The following LTBR variants were observed in gnomAD, a reference collection of about 807,000 sequenced individuals.
LTBR encodes lymphotoxin beta receptor, also known as tumor necrosis factor receptor superfamily member 3.
In LTBR, 15 loss-of-function variants were observed where a neutral mutation model predicts 45.4. The ratio of observed to expected loss-of-function variants is 0.33; its 90% CI spans 0.22 to 0.51. The LOEUF is 0.51. LTBR is among the 20% of genes least tolerant of loss of function. LTBR has a pLI of 0.97. For synonymous variants in LTBR, 228 were observed against 231.0 expected (o/e 0.99, Z 0.12); for missense variants, 450 against 565.5 (o/e 0.80, Z 2.07).
intron 6 of LTBR, chr12:6,387,769 T>A: frequency 2.4e-6 from 1 of 410,310 alleles, no homozygotes; most frequent in Non-Finnish European, 5.0e-6. Context: ...GAAGCCGAAC[T>A]CCAGCCTCTC....
At chr12:6,390,539 C>A (rs1949101195) in intron 9 of LTBR, 121 bp from the exon 10 acceptor site, 1 of 1,124,562 alleles carries the variant, frequency 8.9e-7, no homozygotes. Context: ...GCTCAATAAA[C>A]CAGCAGCAAG....
chr12:6,387,616 G>A (rs1441304007), intron 6 of LTBR: 2 of 206,952 alleles, frequency 9.7e-6, no homozygotes, highest in African/African-American at 2.4e-5. Flanking sequence ...ATGAGAAGAG[G>A]CAAAATGCCC....
In LTBR at chr12:6,390,752, C is replaced by T; in HGVS notation, c.1123C>T (p.Pro375Ser). Residue 375 changes from proline to serine, a missense_variant, in exon 10 of 10, where the codon CCT (proline) becomes TCT (serine). This residue lies in a region of LTBR where 71 missense variants were observed against 90.4 expected (regional missense o/e 0.79). Transcript: ENST00000228918. ...NGPVLGGPPG[P>S]GDLPATPEPP... ...ACCAGTACTGGGGGGACCACCGGGT[C>T]CTGGAGACCTCCCAGCTACCCCCGA... The T allele has an allele frequency of 1.9e-6, 3 of 1,571,618 alleles. No individual in the cohort carries two copies. The highest frequency in any genetic ancestry group is 2.4e-5 in the South Asian group (2 of 82,942).
At position 6,386,725 on chromosome 12, in the gene LTBR, C is replaced by A; in HGVS notation, c.667+281C>A. Reference sequence around the variant, plus strand: ...TAACTACTATTGTCATCATTTTGGGCTTACCAACATTACACAATCCGTTTT... The same window carrying A: ...TAACTACTATTGTCATCATTTTGGGATTACCAACATTACACAATCCGTTTT... On this transcript the variant is annotated intron_variant, in intron 6 of 9. Transcript: ENST00000228918. The surrounding 1 kb of genome is among the most constrained non-coding windows in gnomAD (Gnocchi z 4.1). 2.8e-6 allele frequency: 1 copy of A among 356,332 alleles called. No homozygotes were observed. The highest frequency in any genetic ancestry group is 5.1e-6 in the Non-Finnish European group (1 of 196,808). 22.1% of individuals were successfully genotyped at this position (356,332 alleles called of 1,614,324 possible). A position where few individuals can be genotyped will look rare whatever the true frequency, so the allele number is the denominator to read the frequency against.
chr12:6,384,982 C>A, intron 2 of LTBR, 40 bp from the exon 3 acceptor site: 3 of 1,613,214 alleles, frequency 1.9e-6, no homozygotes, highest in Non-Finnish European at 1.7e-6. Flanking sequence ...GAGGGTGGAG[C>A]CTCGTCTCCT....
rs749786377 is a variant in LTBR at position 6,388,857 on chromosome 12, G to A, written c.801+32G>A. 5.0e-6 allele frequency: 8 copies of A among 1,613,738 alleles called. No homozygotes were observed. The Admixed American group carries it at 1.3e-4, about 27-fold the overall frequency. The stretch of plus-strand genomic sequence containing the variant: ...GCGGGGGCTGAGAAGGCAGCAAGAA[G>A]GGGAAGAGGTGATGAGGGTACAAGG... On this transcript the variant is annotated intron_variant, in intron 8 of 9. Transcript: ENST00000228918. This position sits in a 1 kb window ranked among gnomAD's most constrained non-coding sequence, Gnocchi z 4.3.
chr12:6,383,253 G>A (rs1949002098), upstream of LTBR, among the ~76,000 whole-genome samples: 1 of 151,996 alleles, frequency 6.6e-6, no homozygotes, highest in Non-Finnish European at 1.5e-5. Flanking sequence ...TGTAAAAGGG[G>A]GCAGCTGCAA....
At chr12:6,389,156 A>C (rs556583217) in intron 8 of LTBR, 2 of 246,040 alleles carry the variant, frequency 8.1e-6, no homozygotes, top group South Asian at 1.1e-4. Context: ...CAGAGTGGAG[A>C]GTGAAGGCCT....
intron 1 of LTBR, chr12:6,375,988 A>C (rs1199326174): frequency 3.0e-6 from 3 of 1,010,240 alleles, no homozygotes; most frequent in Admixed American, 5.8e-5. Flanking sequence ...GGTGGGGGCA[A>C]ATAGAAGGAG....
rs757316838 is a variant in LTBR, at chr12:6,388,112, G to A, written c.668-286G>A. On this transcript the variant is annotated intron_variant, in intron 6 of 9. Coordinates refer to ENST00000228918, the MANE Select transcript of LTBR (RefSeq NM_002342.3). This position sits in a 1 kb window ranked among gnomAD's most constrained non-coding sequence, Gnocchi z 4.3. ...TGCACACACAAGCCTGCCCAATCCT[G>A]GTCTCTGAGCAGGAGGGCACCCACA... 21 of 424,278 alleles carry A rather than the reference G, an allele frequency of 4.9e-5. No individual in the cohort carries two copies. Among genetic ancestry groups the A allele is most frequent in the Non-Finnish European group, 7.6e-5 (17 of 224,908 alleles). 26.3% of individuals were successfully genotyped at this position (424,278 alleles called of 1,614,324 possible).
chr12:6,390,480 G>A (rs1380667842), intron 9 of LTBR, 140 bp downstream of exon 9: 6 of 977,392 alleles, frequency 6.1e-6, no homozygotes, highest in African/African-American at 3.3e-5. Flanking sequence ...CACAACTAGA[G>A]AAGAGGGAAG....
chr12:6,377,177 T>C (rs1948926643), intron 1 of LTBR: 1 of 1,296,956 alleles, frequency 7.7e-7, no homozygotes, highest in East Asian at 2.5e-5. Context: ...CTTCCTCTCT[T>C]GCGGCAGTCT....
At chr12:6,377,439 GC>G (rs977627186) in intron 1 of LTBR, 33 of 678,298 alleles carry the variant, frequency 4.9e-5, no homozygotes, top group African/African-American at 4.7e-4. Flanking sequence ...TAGCGCTTTT[GC>G]CATTTACTTC....
upstream of LTBR, among the ~76,000 whole-genome samples, chr12:6,383,725 G>A (rs41472947): frequency 6.6e-6 from 1 of 152,048 alleles, no homozygotes; most frequent in African/African-American, 2.4e-5. Flanking sequence ...GCAGGACAAC[G>A]GGGGAGGAAC....
At chr12:6,377,171 CTCTCTTGCGGCAG>C in intron 1 of LTBR, 1 of 1,227,770 alleles carries the variant, frequency 8.1e-7, no homozygotes, top group Non-Finnish European at 1.2e-6. Context: ...CTGTGGCTTC[CTCTCTTGCGGCAG>C]TCTCTTGCGA....
Position 6,390,224 on chromosome 12 carries a change from C to T in LTBR, c.914C>T (p.Ser305Phe). 1 of 1,613,946 alleles carries T rather than the reference C, an allele frequency of 6.2e-7. No individual in the cohort carries two copies. Among genetic ancestry groups the T allele is most frequent in the Non-Finnish European group, 8.5e-7 (1 of 1,179,870 alleles). ...ATTTCTGGAGATGTTTCCCCAGTATCCACTGGGCTCCCCGCAGCCCCAGTT... is the reference window on the plus strand; with the variant it reads ...ATTTCTGGAGATGTTTCCCCAGTATTCACTGGGCTCCCCGCAGCCCCAGTT... ...LPISGDVSPV[S>F]TGLPAAPVLE... is the part of the protein sequence containing the mutation. The change falls in exon 9 of 10, where the codon TCC (serine) becomes TTC (phenylalanine). Residue 305 changes from serine (S) to phenylalanine (F), a missense_variant. Ser to Phe is a radical substitution (Grantham distance 155). This residue lies in a region of LTBR where 367 missense variants were observed against 435.4 expected (regional missense o/e 0.84). Transcript: ENST00000228918.
Position 6,388,904 on chromosome 12 carries a change from A to G in LTBR, c.801+79A>G, listed in dbSNP as rs1408698847. The G allele has an allele frequency of 6.5e-7, 1 of 1,531,316 alleles. No individual in the cohort carries two copies. Among genetic ancestry groups the G allele is most frequent in the Admixed American group, 1.7e-5 (1 of 59,456 alleles). The allele number at this position is 1,531,316 out of a possible 1,614,324, so 94.9% of individuals were successfully genotyped here. On this transcript the variant is annotated intron_variant, in intron 8 of 9. Transcript: ENST00000228918. The surrounding 1 kb of genome is among the most constrained non-coding windows in gnomAD (Gnocchi z 4.3). ...AAGGTGGAGCAGACAGGAAGAGAGTATGCAGGCTGACTCCACACTCATTCA... is the reference window on the plus strand; with the variant it reads ...AAGGTGGAGCAGACAGGAAGAGAGTGTGCAGGCTGACTCCACACTCATTCA...
chr12:6,376,451 A>G (rs1948911445), intron 1 of LTBR, among the ~76,000 whole-genome samples: 1 of 152,224 alleles, frequency 6.6e-6, no homozygotes, highest in African/African-American at 2.4e-5. Context: ...CTGTGGACAC[A>G]GACCCGGAGC....
chr12:6,384,829 G>A, intron 2 of LTBR, 145 bp downstream of exon 2: 2 of 1,013,028 alleles, frequency 2.0e-6, no homozygotes, highest in South Asian at 2.8e-5. Context: ...TGGACATCAC[G>A]TGGAGGAGAT....
Sources: gnomAD v4.1 joint callset for allele counts (sites outside exome capture counted in the v4.1 genomes callset) on GRCh38, gnomAD v4.1.1 for gene constraint, gnomAD v4.1.1 regional missense constraint, Gnocchi (gnomAD v3.1) non-coding constraint, MANE v1.5 for transcripts, NCBI Gene and HGNC (gene_info 2026-07-23, HGNC 2026-07-21) for gene names.